PPARA: variants seen among roughly 807,000 people sequenced by gnomAD.
PPARA encodes the protein peroxisome proliferator-activated receptor alpha.
In PPARA, 22 loss-of-function variants were observed where a neutral mutation model predicts 42.2. That is an observed-to-expected ratio of 0.52 (90% CI 0.37 to 0.74). The LOEUF (loss-of-function observed/expected upper bound fraction) is 0.74. Among genes scored for constraint, PPARA ranks in the 30% least tolerant of loss-of-function variants. The pLI, the probability that PPARA is intolerant of heterozygous loss-of-function variation, is 0.00. For missense variants in PPARA, 465 were observed against 608.2 expected (o/e 0.76, Z 2.48); for synonymous variants, 242 against 239.3 (o/e 1.01, Z -0.10).
intron 6 of PPARA, among the ~76,000 whole-genome samples, chr22:46,218,648 A>T (rs1034674292): frequency 6.6e-6 from 1 of 151,414 alleles, no homozygotes; most frequent in Admixed American, 6.6e-5. Flanking sequence ...AGCCTGGCCA[A>T]TATGGTGAAA....
In PPARA at chr22:46,217,179, A is replaced by G. The variant is rs1441893060; in HGVS notation, c.370-1084A>G. 2.0e-5 allele frequency among the ~76,000 whole-genome samples: 3 copies of G among 152,048 alleles called. No individual in the cohort carries two copies. In the East Asian group the frequency reaches 5.8e-4, roughly 29 times the overall value. ...CTCAGCCTCCCCACTGTGCAAGCCT[A>G]GGTAAGGACATTATGAAGACGTCAG... On this transcript the variant is annotated intron_variant, in intron 5 of 8. Transcript: ENST00000407236.
In PPARA at chr22:46,243,655, GT is replaced by G. The variant is rs1936436720; in HGVS notation, c.*8278del. 6.6e-6 allele frequency: 1 copy of G among 152,560 alleles called. No homozygotes were observed. Among genetic ancestry groups the G allele is most frequent in the African/African-American group, 2.4e-5 (1 of 41,446 alleles). The allele number at this position is 152,560 out of a possible 1,614,324, so 9.5% of individuals were successfully genotyped here. On this transcript the variant is annotated 3_prime_UTR_variant, in exon 9 of 9. Coordinates refer to ENST00000407236, the MANE Select transcript of PPARA (RefSeq NM_005036.6). The surrounding 1 kb of genome is among the most constrained non-coding windows in gnomAD (Gnocchi z 5.0). ...ATCCTGAATATATGGGAACTTCTGTGTTTGGGATGTCCTACTGTAAGACTGA... is the reference window on the plus strand; with the variant it reads ...ATCCTGAATATATGGGAACTTCTGTGTTGGGATGTCCTACTGTAAGACTGA...
Position 46,227,983 on chromosome 22 carries a change from A to G in PPARA, c.712-3809A>G, listed in dbSNP as rs1935590083. ...CATTGGTTTCTTCATGGTACCACTC[A>G]TTTTGAATTCAGTGGTCTCCAGTTC... On this transcript the variant is annotated intron_variant, in intron 7 of 8. Transcript: ENST00000407236. The surrounding 1 kb of genome is among the most constrained non-coding windows in gnomAD (Gnocchi z 4.3). 6.6e-6 allele frequency among the ~76,000 whole-genome samples: 1 copy of G among 152,228 alleles called. No homozygotes were observed. The highest frequency in any genetic ancestry group is 2.4e-5 in the African/African-American group (1 of 41,458).
At chr22:46,217,407 A>G (rs761168986) in intron 5 of PPARA, among the ~76,000 whole-genome samples, 59 of 152,194 alleles carry the variant, frequency 3.9e-4, no homozygotes, top group Non-Finnish European at 7.2e-4. Flanking sequence ...GCCATGATTA[A>G]TTATTCATTT....
In PPARA at chr22:46,235,443, C is replaced by T. The variant is rs761617074; in HGVS notation, c.*63C>T. ...GAAGCTGACAGCACTACAAAGGAGA[C>T]GGGGGAGCAGCACGATTTTGCACAA... On this transcript the variant is annotated 3_prime_UTR_variant, in exon 9 of 9. Transcript: ENST00000407236. This position sits in a 1 kb window ranked among gnomAD's most constrained non-coding sequence, Gnocchi z 7.0. 8.8e-6 allele frequency: 14 copies of T among 1,592,104 alleles called. No homozygotes were observed. The highest frequency in any genetic ancestry group is 5.2e-5 in the Admixed American group (3 of 57,166).
intron 4 of PPARA, among the ~76,000 whole-genome samples, chr22:46,210,285 G>T (rs1215050741): frequency 6.9e-6 from 1 of 145,118 alleles, no homozygotes; most frequent in East Asian, 2.0e-4. Context: ...CTCCAGCCTG[G>T]GCAACAAGAG....
chr22:46,212,991 T>A lies in PPARA; in HGVS notation c.209-2182T>A, dbSNP rs4253724. 0.19 allele frequency among the ~76,000 whole-genome samples: 29,070 copies of A among 152,110 alleles called. 3,287 individuals are homozygous for A. Among genetic ancestry groups the A allele is most frequent in the Middle Eastern group, 0.28 (81 of 292 alleles). ...GCCTGGGTGACAGAGTGAGACTCTGTCCCAAAAAGAAAAAGAATAAACTGC... is the reference window on the plus strand; with the variant it reads ...GCCTGGGTGACAGAGTGAGACTCTGACCCAAAAAGAAAAAGAATAAACTGC... On this transcript the variant is annotated intron_variant, in intron 4 of 8. Coordinates refer to ENST00000407236, the MANE Select transcript of PPARA (RefSeq NM_005036.6). This position sits in a 1 kb window ranked among gnomAD's most constrained non-coding sequence, Gnocchi z 4.2.
chr22:46,220,221 A>T (rs1934891047), intron 7 of PPARA: 3 of 652,506 alleles, frequency 4.6e-6, no homozygotes, highest in Non-Finnish European at 5.4e-6. Context: ...GCCACCTCAA[A>T]GCTCTTAGCA....
At position 46,182,700 on chromosome 22, in the gene PPARA, A is replaced by G. The variant is rs1299847385; in HGVS notation, c.-43+5864A>G. On this transcript the variant is annotated intron_variant, in intron 3 of 8. Transcript: ENST00000407236. This position sits in a 1 kb window ranked among gnomAD's most constrained non-coding sequence, Gnocchi z 5.2. ...TGTACACTTTAAATATGTACAGATT[A>G]TTGTATGCCAGTTACATGTCCATAA... 6.6e-6 allele frequency among the ~76,000 whole-genome samples: 1 copy of G among 152,172 alleles called. No individual in the cohort carries two copies. The highest frequency in any genetic ancestry group is 1.5e-5 in the Non-Finnish European group (1 of 68,024).
chr22:46,215,113 G>C, intron 4 of PPARA, 60 bp from the exon 5 acceptor site: 1 of 1,584,404 alleles, frequency 6.3e-7, no homozygotes, highest in Non-Finnish European at 8.7e-7. Context: ...TCATAGACCC[G>C]GTTCAGACAC....
intron 2 of PPARA, among the ~76,000 whole-genome samples, chr22:46,154,719 C>A (rs552708035): frequency 4.0e-5 from 6 of 151,696 alleles, no homozygotes. Flanking sequence ...GTCACCTAGG[C>A]TAGAGCACAG....
At chr22:46,228,881 G>C (rs1224108748) in intron 7 of PPARA, among the ~76,000 whole-genome samples, 2 of 151,892 alleles carry the variant, frequency 1.3e-5, no homozygotes, top group Non-Finnish European at 2.9e-5. Flanking sequence ...GAGGTGGGCG[G>C]ATCACGAGGT....
Position 46,230,904 on chromosome 22 carries a change from T to G in PPARA, c.712-888T>G, listed in dbSNP as rs760534156. ...TAAATAATGGTGTTCACCCCTAAAGTGCATATACTGGTAAAATTAAGAATG... is the reference window on the plus strand; with the variant it reads ...TAAATAATGGTGTTCACCCCTAAAGGGCATATACTGGTAAAATTAAGAATG... On this transcript the variant is annotated intron_variant, in intron 7 of 8. Coordinates refer to ENST00000407236, the MANE Select transcript of PPARA (RefSeq NM_005036.6). The surrounding 1 kb of genome is among the most constrained non-coding windows in gnomAD (Gnocchi z 5.0). Among the ~76,000 whole-genome samples, 21 of 152,216 alleles carry G rather than the reference T, an allele frequency of 1.4e-4. No homozygotes were observed. Among genetic ancestry groups the G allele is most frequent in the Non-Finnish European group, 2.6e-4 (18 of 68,044 alleles).
In PPARA at chr22:46,161,939, C is replaced by T. The variant is rs1052472550; in HGVS notation, c.-127+9969C>T. ...TGTCACCCACCCGCCTTCCAGATGT[C>T]ACCTGGGCCCTCCCGGAGGCCCTCG... is the stretch of plus-strand genomic sequence containing the variant. On this transcript the variant is annotated intron_variant, in intron 2 of 8. Coordinates refer to ENST00000407236, the MANE Select transcript of PPARA (RefSeq NM_005036.6). This position sits in a 1 kb window ranked among gnomAD's most constrained non-coding sequence, Gnocchi z 4.8. Among the ~76,000 whole-genome samples the T allele has an allele frequency of 6.6e-6, 1 of 152,190 alleles. No individual in the cohort carries two copies. Among genetic ancestry groups the T allele is most frequent in the African/African-American group, 2.4e-5 (1 of 41,446 alleles).
intron 4 of PPARA, among the ~76,000 whole-genome samples, chr22:46,210,548 T>C (rs1933829600): frequency 6.6e-6 from 1 of 151,986 alleles, no homozygotes; most frequent in Non-Finnish European, 1.5e-5. Flanking sequence ...GTTCAAGTGA[T>C]TCTCCTGCCT....
At position 46,190,239 on chromosome 22, in the gene PPARA, G is replaced by A. The variant is rs1449450494; in HGVS notation, c.-42-8103G>A. Among the ~76,000 whole-genome samples the A allele has an allele frequency of 6.6e-6, 1 of 152,166 alleles. No homozygotes were observed. The highest frequency in any genetic ancestry group is 1.5e-5 in the Non-Finnish European group (1 of 68,036). ...GTCACCTGCCCCAGCAACACTACTC[G>A]TTTGAGAAGACTTCCATCCTTTACC... On this transcript the variant is annotated intron_variant, in intron 3 of 8. Coordinates refer to ENST00000407236, the MANE Select transcript of PPARA (RefSeq NM_005036.6). This position sits in a 1 kb window ranked among gnomAD's most constrained non-coding sequence, Gnocchi z 5.6.
rs996331896 is a variant in PPARA at position 46,175,418 on chromosome 22, A to G, written c.-126-1335A>G. On this transcript the variant is annotated intron_variant, in intron 2 of 8. Coordinates refer to ENST00000407236, the MANE Select transcript of PPARA (RefSeq NM_005036.6). ...ATCTGTTGCCCATTTCTGTCATTTT[A>G]TGAATGTCACATAGGCCGGGCGCGG... Among the ~76,000 whole-genome samples, 3 of 152,094 alleles carry G rather than the reference A, an allele frequency of 2.0e-5. No individual in the cohort carries two copies. In the East Asian group the frequency reaches 5.8e-4, roughly 29 times the overall value.
intron 7 of PPARA, among the ~76,000 whole-genome samples, chr22:46,229,520 C>T (rs1022101698): frequency 6.6e-6 from 1 of 151,560 alleles, no homozygotes; most frequent in Non-Finnish European, 1.5e-5. Flanking sequence ...GATTGCACCA[C>T]TGCACTCCAG....
chr22:46,201,232 C>A (rs1932821517), intron 4 of PPARA, among the ~76,000 whole-genome samples: 1 of 152,050 alleles, frequency 6.6e-6, no homozygotes, highest in Non-Finnish European at 1.5e-5. Flanking sequence ...GGGCTATTCT[C>A]TGCATGCTGG....
Sources: gnomAD v4.1 joint callset for allele counts (sites outside exome capture counted in the v4.1 genomes callset) on GRCh38, gnomAD v4.1.1 for gene constraint, Gnocchi (gnomAD v3.1) non-coding constraint, MANE v1.5 for transcripts, NCBI Gene and HGNC (gene_info 2026-07-23, HGNC 2026-07-21) for gene names.